MAN1A1: variants seen among roughly 807,000 people sequenced by gnomAD.
MAN1A1 encodes mannosidase alpha class 1A member 1.
A neutral mutation model predicts 70.8 loss-of-function variants in MAN1A1; 29 were observed. The observed-to-expected ratio is 0.41, with a 90% CI of 0.31 to 0.56. The LOEUF is 0.56. Among genes scored for constraint, MAN1A1 ranks in the 20% least tolerant of loss-of-function variants. The pLI is 0.29. For missense variants in MAN1A1, 747 were observed against 841.3 expected, an observed-to-expected ratio of 0.89 and a Z score of 1.39; for synonymous variants, 349 against 330.1, an observed-to-expected ratio of 1.06 and a Z score of -0.62.
Position 119,179,724 on chromosome 6 carries a change from C to T in MAN1A1, c.*95G>A, listed in dbSNP as rs1234948638. On this transcript the variant is annotated 3_prime_UTR_variant, in exon 13 of 13. Coordinates refer to ENST00000368468, the MANE Select transcript of MAN1A1 (RefSeq NM_005907.4). The stretch of plus-strand genomic sequence containing the variant: ...ATTTAAGAACTTAATCACAGACCTA[C>T]TAATCAAAGTTCATCATGTGCCTGA... 8.6e-7 allele frequency: 1 copy of T among 1,163,572 alleles called. No individual in the cohort carries two copies. Among genetic ancestry groups the T allele is most frequent in the Non-Finnish European group, 1.2e-6 (1 of 809,426 alleles). 72.1% of individuals were successfully genotyped at this position (1,163,572 alleles called of 1,614,324 possible). A position where few individuals can be genotyped will look rare whatever the true frequency, so the allele number is the denominator to read the frequency against.
chr6:119,308,274 T>C (rs916430288), intron 2 of MAN1A1, among the ~76,000 whole-genome samples: 39 of 152,178 alleles, frequency 2.6e-4, no homozygotes, highest in Non-Finnish European at 1.3e-4. Flanking sequence ...ACCAACACAT[T>C]GCATCACCTT....
chr6:119,180,505 A>G (rs1325498107), intron 11 of MAN1A1, 78 bp from the exon 12 acceptor site: 1 of 791,908 alleles, frequency 1.3e-6, no homozygotes, highest in Non-Finnish European at 2.1e-6. Flanking sequence ...TAGATTGTCA[A>G]GTTCAGATAA....
chr6:119,196,877 G>A (rs1359712283), intron 8 of MAN1A1, among the ~76,000 whole-genome samples: 1 of 152,162 alleles, frequency 6.6e-6, no homozygotes, highest in Non-Finnish European at 1.5e-5. Context: ...TCTGTGTACA[G>A]ACAGGAAACC....
At chr6:119,187,824 G>A (rs11153794) in intron 11 of MAN1A1, among the ~76,000 whole-genome samples, 108,373 of 152,086 alleles carry the variant, frequency 0.71, 40,920 homozygotes, top group Non-Finnish European at 0.83. Flanking sequence ...TTAGGAAGGA[G>A]GTATACTATC....
intron 11 of MAN1A1, among the ~76,000 whole-genome samples, chr6:119,185,281 T>C (rs1023523629): frequency 2.0e-5 from 3 of 152,210 alleles, no homozygotes; most frequent in Non-Finnish European, 2.9e-5. Context: ...CTGTGATTAA[T>C]GGAGTGCTGT....
chr6:119,348,521 ACCCCGATTGGGGG>A lies in MAN1A1; in HGVS notation c.532_544del (p.Pro178TrpfsTer21). 6.2e-7 allele frequency: 1 copy of A among 1,611,732 alleles called. No homozygotes were observed. The highest frequency in any genetic ancestry group is 8.5e-7 in the Non-Finnish European group (1 of 1,179,042). ...GGCGTCGGCGGGCTCCCGGCTCTCCACCCCGATTGGGGGCACGAAGTCCACCGGGGGCAGGCCT... is the reference window on the plus strand; with the variant it reads ...GGCGTCGGCGGGCTCCCGGCTCTCCACACGAAGTCCACCGGGGGCAGGCCT... On this transcript the variant is annotated frameshift_variant, in exon 2 of 13. Coordinates refer to ENST00000368468, the MANE Select transcript of MAN1A1 (RefSeq NM_005907.4). LOFTEE classifies it high-confidence loss of function.
chr6:119,297,475 C>T (rs1772246536), intron 4 of MAN1A1, among the ~76,000 whole-genome samples: 1 of 152,044 alleles, frequency 6.6e-6, no homozygotes, highest in African/African-American at 2.4e-5. Flanking sequence ...TCTCTGACTG[C>T]GTATATATTT....
intron 2 of MAN1A1, among the ~76,000 whole-genome samples, chr6:119,333,585 T>G (rs1773377885): frequency 6.6e-6 from 1 of 152,180 alleles, no homozygotes; most frequent in Non-Finnish European, 1.5e-5. Context: ...AATACTAAAT[T>G]AAGCTAATTA....
chr6:119,210,955 CTT>C (rs910445012), intron 6 of MAN1A1: 6 of 436,248 alleles, frequency 1.4e-5, no homozygotes, highest in African/African-American at 8.5e-5. Flanking sequence ...CATATTGAGT[CTT>C]TTTAAAACTG....
At chr6:119,293,261 T>G (rs1347302093) in intron 4 of MAN1A1, among the ~76,000 whole-genome samples, 2 of 152,098 alleles carry the variant, frequency 1.3e-5, no homozygotes, top group Non-Finnish European at 1.5e-5. Context: ...CAGCTAGACA[T>G]CAATCAACTG....
intron 5 of MAN1A1, among the ~76,000 whole-genome samples, chr6:119,287,363 A>T (rs1410065328): frequency 2.6e-5 from 4 of 152,124 alleles, no homozygotes; most frequent in African/African-American, 9.7e-5. Flanking sequence ...AAAACAAATA[A>T]TGTTACATGG....
rs116379599 is a variant in MAN1A1 at position 119,279,052 on chromosome 6, C to T, written c.897+11631G>A. The stretch of plus-strand genomic sequence containing the variant: ...ACACAGCCATGCAGATAGACTCTGG[C>T]AAAATCCCCCCTCAACCATTCAATC... On this transcript the variant is annotated intron_variant, in intron 5 of 12. Coordinates refer to ENST00000368468, the MANE Select transcript of MAN1A1 (RefSeq NM_005907.4). 6.0e-3 allele frequency among the ~76,000 whole-genome samples: 920 copies of T among 152,200 alleles called. 6 individuals are homozygous for T. The highest frequency in any genetic ancestry group is 0.021 in the African/African-American group (871 of 41,502).
chr6:119,217,101 T>C (rs1033608541), intron 6 of MAN1A1, among the ~76,000 whole-genome samples: 1 of 152,204 alleles, frequency 6.6e-6, no homozygotes, highest in South Asian at 2.1e-4. Flanking sequence ...CCAAAGAGTA[T>C]GTCCTAATAC....
At chr6:119,180,222 G>A in intron 12 of MAN1A1, 90 bp downstream of exon 12, 1 of 888,924 alleles carries the variant, frequency 1.1e-6, no homozygotes, top group Non-Finnish European at 1.8e-6. Flanking sequence ...AGGCATACTT[G>A]ATATTACTTG....
intron 5 of MAN1A1, among the ~76,000 whole-genome samples, chr6:119,289,515 T>C (rs1442212870): frequency 2.1e-5 from 3 of 145,058 alleles, no homozygotes. Context: ...TGAAGTTATC[T>C]GGTAGTGGAA....
chr6:119,286,334 C>T (rs1217850574), intron 5 of MAN1A1, among the ~76,000 whole-genome samples: 1 of 152,118 alleles, frequency 6.6e-6, no homozygotes, highest in Non-Finnish European at 1.5e-5. Context: ...TGTCTTAACC[C>T]TATTATGAAA....
At chr6:119,206,021 G>C (rs1268960665) in intron 6 of MAN1A1, among the ~76,000 whole-genome samples, 1 of 152,206 alleles carries the variant, frequency 6.6e-6, no homozygotes, top group African/African-American at 2.4e-5. Context: ...ATCCAGCGTA[G>C]TGGGGATGGA....
chr6:119,325,932 C>T (rs865815247), intron 2 of MAN1A1, among the ~76,000 whole-genome samples: 40 of 152,258 alleles, frequency 2.6e-4, no homozygotes, highest in African/African-American at 8.9e-4. Flanking sequence ...TTTTGATTTG[C>T]ATTACTCCTA....
chr6:119,242,903 G>C (rs1775050197), intron 6 of MAN1A1, among the ~76,000 whole-genome samples: 1 of 151,860 alleles, frequency 6.6e-6, no homozygotes, highest in Non-Finnish European at 1.5e-5. Flanking sequence ...AGTTCCAGAA[G>C]ACTACAAATG....
Sources: allele counts gnomAD v4.1 joint callset (sites outside exome capture counted in the v4.1 genomes callset), GRCh38; gene constraint gnomAD v4.1.1; transcripts MANE v1.5; gene names NCBI Gene and HGNC (gene_info 2026-07-23, HGNC 2026-07-21).